The following MALRD1 variants were observed in gnomAD, a reference collection of about 807,000 sequenced individuals.
The protein encoded by MALRD1 is MAM and LDL receptor class A domain containing 1.
Under a neutral mutation model 242.1 loss-of-function variants are expected in MALRD1, and 247 were observed. The observed-to-expected ratio is 1.02, with a 90% CI of 0.92 to 1.13. The LOEUF is 1.13. Among genes scored for constraint, MALRD1 ranks in the 50% most tolerant of loss-of-function variants. MALRD1 has a pLI of 0.00. For missense variants in MALRD1, 2,989 were observed against 2,533.1 expected (o/e 1.18, Z -3.86); for synonymous variants, 995 against 866.6 (o/e 1.15, Z -2.60).
intron 31 of MALRD1, among the ~76,000 whole-genome samples, chr10:19,524,674 G>A (rs1176417628): frequency 2.0e-5 from 3 of 151,900 alleles, no homozygotes; most frequent in Non-Finnish European, 4.4e-5. Context: ...GAGGCATAAT[G>A]CACAGCATTT....
chr10:19,528,351 T>C (rs1266827824), intron 31 of MALRD1, among the ~76,000 whole-genome samples: 1 of 152,140 alleles, frequency 6.6e-6, no homozygotes, highest in Non-Finnish European at 1.5e-5. Context: ...TCCCAGCACT[T>C]TGGGAAGCCG....
At chr10:19,729,177 A>G (rs148446952) in intron 38 of MALRD1, among the ~76,000 whole-genome samples, 1 of 152,356 alleles carries the variant, frequency 6.6e-6, no homozygotes, top group Non-Finnish European at 1.5e-5. Context: ...AAACATAATT[A>G]GCTAGATTAG....
At chr10:19,465,225 A>C (rs925507150) in intron 29 of MALRD1, among the ~76,000 whole-genome samples, 5 of 152,038 alleles carry the variant, frequency 3.3e-5, no homozygotes, top group Non-Finnish European at 7.4e-5. Context: ...TGAATGCTCT[A>C]GCTAGGGCTT....
At chr10:19,417,047 T>C (rs1051515375) in intron 28 of MALRD1, among the ~76,000 whole-genome samples, 1 of 152,180 alleles carries the variant, frequency 6.6e-6, no homozygotes, top group African/African-American at 2.4e-5. Flanking sequence ...CTTTCTCTTT[T>C]TAGCTTATGG....
In MALRD1 at chr10:19,580,110, T is replaced by A. The variant is rs537402029; in HGVS notation, c.5680+12407T>A. 1.8e-3 allele frequency among the ~76,000 whole-genome samples: 272 copies of A among 152,278 alleles called. 2 individuals carry two copies. In the South Asian group the frequency reaches 0.022, roughly 12 times the overall value. On this transcript the variant is annotated intron_variant, in intron 33 of 39. Coordinates refer to ENST00000454679, the MANE Select transcript of MALRD1 (RefSeq NM_001142308.3). ...CAGGGGACCTTCTGGGTTGCAGGCCTTATGGCAGGAAAAAAATGGCCAGCA... is the reference window on the plus strand; with the variant it reads ...CAGGGGACCTTCTGGGTTGCAGGCCATATGGCAGGAAAAAAATGGCCAGCA...
intron 18 of MALRD1, among the ~76,000 whole-genome samples, chr10:19,226,998 C>T (rs143583081): frequency 2.8e-4 from 43 of 151,848 alleles, no homozygotes; most frequent in Admixed American, 1.8e-3. Flanking sequence ...ATCACTAATA[C>T]GAGAAATTGA....
chr10:19,700,679 C>T (rs976697969), intron 38 of MALRD1, among the ~76,000 whole-genome samples: 5 of 152,006 alleles, frequency 3.3e-5, no homozygotes, highest in Non-Finnish European at 5.9e-5. Context: ...TGTCATTTTC[C>T]CTTTCCTTCA....
chr10:19,073,409 A>C (rs1363164085), intron 2 of MALRD1, among the ~76,000 whole-genome samples: 1 of 152,142 alleles, frequency 6.6e-6, no homozygotes, highest in East Asian at 1.9e-4. Flanking sequence ...TAAAGACTGC[A>C]GGTTTATCAT....
rs757314324 is a variant in MALRD1, at chr10:19,450,269, TTTGA to T, written c.4846-35_4846-32del. The stretch of plus-strand genomic sequence containing the variant: ...CCACACTGCATCATCTTCTTTTGTG[TTTGA>T]TTATTTCCCTCATACAAACTTCTTT... On this transcript the variant is annotated intron_variant, in intron 28 of 39. Transcript: ENST00000454679. 7.7e-5 allele frequency: 116 copies of T among 1,506,546 alleles called. No individual in the cohort carries two copies. In the South Asian group the frequency reaches 1.3e-3, roughly 17 times the overall value. 93.3% of individuals were successfully genotyped at this position (1,506,546 alleles called of 1,614,324 possible).
intron 19 of MALRD1, among the ~76,000 whole-genome samples, chr10:19,273,810 A>T (rs1260162855): frequency 6.6e-6 from 1 of 152,182 alleles, no homozygotes; most frequent in African/African-American, 2.4e-5. Context: ...AAGTGCTGAC[A>T]GGAATAGGGT....
intron 28 of MALRD1, among the ~76,000 whole-genome samples, chr10:19,406,927 A>G (rs1192337949): frequency 6.6e-6 from 1 of 152,174 alleles, no homozygotes; most frequent in Non-Finnish European, 1.5e-5. Context: ...GATGATTAAT[A>G]TATCAGATTT....
Position 19,340,420 on chromosome 10 carries a change from T to C in MALRD1, c.3902-7351T>C, listed in dbSNP as rs565506820. On this transcript the variant is annotated intron_variant, in intron 24 of 39. Coordinates refer to ENST00000454679, the MANE Select transcript of MALRD1 (RefSeq NM_001142308.3). ...GGTTGAGCTTAGCAGGGCTTACTTG[T>C]AAGGTGTGGGTGGAGTCCAGGCTTG... Among the ~76,000 whole-genome samples, 4 of 151,982 alleles carry C rather than the reference T, an allele frequency of 2.6e-5. No individual in the cohort carries two copies. The East Asian group carries it at 7.8e-4, about 29-fold the overall frequency.
In MALRD1 at chr10:19,296,412, G is replaced by GGAGC. The variant is rs1464724169; in HGVS notation, c.3419+13232_3419+13235dup. Reference sequence around the variant, plus strand: ...TTTCCTAGCTATGTGTTTTATAAGAGGAGCAAGCAGGCTTTGGCATGATTT... The same window carrying GGAGC: ...TTTCCTAGCTATGTGTTTTATAAGAGGAGCGAGCAAGCAGGCTTTGGCATGATTT... On this transcript the variant is annotated intron_variant, in intron 21 of 39. Coordinates refer to ENST00000454679, the MANE Select transcript of MALRD1 (RefSeq NM_001142308.3). Among the ~76,000 whole-genome samples, 5 of 152,116 alleles carry GGAGC rather than the reference G, an allele frequency of 3.3e-5. No homozygotes were observed. In the East Asian group the frequency reaches 9.7e-4, roughly 29 times the overall value.
chr10:19,417,485 T>C (rs2130904591), intron 28 of MALRD1, among the ~76,000 whole-genome samples: 1 of 152,290 alleles, frequency 6.6e-6, no homozygotes, highest in African/African-American at 2.4e-5. Context: ...ATTTGGTACT[T>C]AATACTCATT....
At chr10:19,165,160 C>T (rs1834620753) in intron 12 of MALRD1, among the ~76,000 whole-genome samples, 1 of 148,980 alleles carries the variant, frequency 6.7e-6, no homozygotes, top group Admixed American at 6.7e-5. Context: ...TCCATGGAAA[C>T]AGTGGTACTG....
intron 14 of MALRD1, among the ~76,000 whole-genome samples, chr10:19,186,473 G>A (rs1835742014): frequency 6.6e-6 from 1 of 152,176 alleles, no homozygotes; most frequent in South Asian, 2.1e-4. Context: ...ATTTTGATCA[G>A]TCTTTGCTGC....
intron 18 of MALRD1, among the ~76,000 whole-genome samples, chr10:19,239,004 G>T (rs769028851): frequency 1.3e-5 from 2 of 150,504 alleles, no homozygotes; most frequent in Non-Finnish European, 3.0e-5. Flanking sequence ...TTATATATTC[G>T]TCTTGACCAT....
chr10:19,331,665 G>T, intron 24 of MALRD1, 83 bp downstream of exon 24: 1 of 1,137,308 alleles, frequency 8.8e-7, no homozygotes, highest in Non-Finnish European at 1.3e-6. Context: ...GTTGAAACAT[G>T]CAGAGTGTGT....
At chr10:19,512,666 G>A (rs970788345) in intron 31 of MALRD1, among the ~76,000 whole-genome samples, 14 of 152,168 alleles carry the variant, frequency 9.2e-5, no homozygotes, top group African/African-American at 3.4e-4. Flanking sequence ...CCCATTGAAG[G>A]TGGCAATTGA....
Sources: allele counts gnomAD v4.1 joint callset (sites outside exome capture counted in the v4.1 genomes callset), GRCh38; gene constraint gnomAD v4.1.1; transcripts MANE v1.5; gene names NCBI Gene and HGNC (gene_info 2026-07-23, HGNC 2026-07-21).